The following GNA14 variants were observed in gnomAD, a reference collection of about 807,000 sequenced individuals.
GNA14 encodes the protein guanine nucleotide-binding protein subunit alpha-14.
GNA14 carries 50 observed loss-of-function variants against 42.0 expected under a neutral mutation model. The ratio of observed to expected loss-of-function variants is 1.19; its 90% CI spans 0.95 to 1.51. GNA14 has a LOEUF of 1.51. GNA14 is among the 40% of genes most tolerant of loss of function. The pLI, the probability that GNA14 is intolerant of heterozygous loss-of-function variation, is 0.00. For synonymous variants in GNA14, 173 were observed against 163.1 expected (o/e 1.06, Z -0.46); for missense variants, 473 against 446.2 (o/e 1.06, Z -0.54).
intron 1 of GNA14, among the ~76,000 whole-genome samples, chr9:77,534,331 T>C (rs555526266): frequency 6.6e-6 from 1 of 152,088 alleles, no homozygotes; most frequent in Non-Finnish European, 1.5e-5. Context: ...CAATACAAAA[T>C]AACCAAGGAT....
chr9:77,448,088 T>TAA (rs1301156660), intron 2 of GNA14, among the ~76,000 whole-genome samples: 1 of 152,242 alleles, frequency 6.6e-6, no homozygotes. Flanking sequence ...CTGTTTTTGC[T>TAA]AATAAAGTTC....
rs538303856 is a variant in GNA14 at position 77,461,937 on chromosome 9, T to C, written c.310-27415A>G. Among the ~76,000 whole-genome samples, 78 of 152,286 alleles carry C rather than the reference T, an allele frequency of 5.1e-4. 2 individuals are homozygous for C. In the South Asian group the frequency reaches 0.016, roughly 32 times the overall value. On this transcript the variant is annotated intron_variant, in intron 2 of 6. Coordinates refer to ENST00000341700, the MANE Select transcript of GNA14 (RefSeq NM_004297.4). Reference sequence around the variant, plus strand: ...TTAAGAATGTATGGATTCCTCTCTTTTATATAATTGCTTTCTACACGCTTT... The same window carrying C: ...TTAAGAATGTATGGATTCCTCTCTTCTATATAATTGCTTTCTACACGCTTT...
chr9:77,568,074 G>C (rs891343066), intron 1 of GNA14, among the ~76,000 whole-genome samples: 3 of 152,172 alleles, frequency 2.0e-5, no homozygotes, highest in Non-Finnish European at 2.9e-5. Flanking sequence ...CCCTGAGACA[G>C]AGTAGTCTTT....
At chr9:77,486,076 ATGT>A (rs2131732337) in intron 2 of GNA14, among the ~76,000 whole-genome samples, 1 of 152,302 alleles carries the variant, frequency 6.6e-6, no homozygotes, top group African/African-American at 2.4e-5. Flanking sequence ...AAAGTCCTGG[ATGT>A]TGTCTTCTTC....
At chr9:77,618,512 T>C (rs1301858171) in intron 1 of GNA14, among the ~76,000 whole-genome samples, 3 of 144,670 alleles carry the variant, frequency 2.1e-5, no homozygotes, top group Non-Finnish European at 4.5e-5. Flanking sequence ...AAAATGTGGA[T>C]AGTGAATGAA....
At chr9:77,603,363 G>T (rs1368606917) in intron 1 of GNA14, among the ~76,000 whole-genome samples, 1 of 152,072 alleles carries the variant, frequency 6.6e-6, no homozygotes, top group Admixed American at 6.6e-5. Context: ...TCCAGGGTAA[G>T]CCTGGAACTT....
intron 2 of GNA14, among the ~76,000 whole-genome samples, chr9:77,478,455 C>G (rs1836475103): frequency 6.6e-6 from 1 of 152,128 alleles, no homozygotes; most frequent in African/African-American, 2.4e-5. Context: ...GGTTCCAAGT[C>G]TTTGCTATTG....
chr9:77,589,282 TAAG>T (rs1355152635), intron 1 of GNA14, among the ~76,000 whole-genome samples: 1 of 152,196 alleles, frequency 6.6e-6, no homozygotes, highest in African/African-American at 2.4e-5. Flanking sequence ...CAGAGCCTCT[TAAG>T]GAGGAAGCTA....
At chr9:77,490,869 T>C (rs7046614) in intron 2 of GNA14, among the ~76,000 whole-genome samples, 88,843 of 152,172 alleles carry the variant, frequency 0.58, 26,578 homozygotes, top group East Asian at 0.82. Flanking sequence ...CAAGTGCCGC[T>C]GAAGTGGTAG....
chr9:77,488,673 A>C (rs1313943277), intron 2 of GNA14, among the ~76,000 whole-genome samples: 1 of 151,944 alleles, frequency 6.6e-6, no homozygotes, highest in Non-Finnish European at 1.5e-5. Flanking sequence ...GAATTGAGAA[A>C]AGCTTGGGCT....
chr9:77,458,105 A>G (rs1442222519), intron 2 of GNA14, among the ~76,000 whole-genome samples: 1 of 152,222 alleles, frequency 6.6e-6, no homozygotes, highest in Non-Finnish European at 1.5e-5. Context: ...TGAGGGGAAC[A>G]GGGCACTCCA....
chr9:77,497,818 TTA>T (rs1380231155), intron 2 of GNA14, among the ~76,000 whole-genome samples: 11 of 152,192 alleles, frequency 7.2e-5, no homozygotes, highest in African/African-American at 2.7e-4. Flanking sequence ...CTTTATGACT[TTA>T]TGACATACAA....
chr9:77,423,961 A>G lies in GNA14; in HGVS notation c.*18T>C, dbSNP rs754064856. On this transcript the variant is annotated 3_prime_UTR_variant, in exon 7 of 7. Transcript: ENST00000341700. ...CAAATCACATCTTCTGTTATAGGGG[A>G]GGAGTGGGCAGCAGCTTTTAGACAA... is the stretch of plus-strand genomic sequence containing the variant. 1.0e-5 allele frequency: 16 copies of G among 1,545,268 alleles called. No homozygotes were observed. The East Asian group carries it at 3.0e-4, about 29-fold the overall frequency.
intron 1 of GNA14, among the ~76,000 whole-genome samples, chr9:77,615,480 T>C (rs1823797156): frequency 6.6e-6 from 1 of 152,096 alleles, no homozygotes; most frequent in South Asian, 2.1e-4. Context: ...GACAGCACTT[T>C]CTGCTCTCCC....
chr9:77,557,806 C>T (rs1822812692), intron 1 of GNA14, among the ~76,000 whole-genome samples: 1 of 152,108 alleles, frequency 6.6e-6, no homozygotes, highest in African/African-American at 2.4e-5. Context: ...GACACTTTCT[C>T]AAAAAACGGG....
intron 1 of GNA14, among the ~76,000 whole-genome samples, chr9:77,626,114 T>G (rs1824008545): frequency 6.6e-6 from 1 of 151,766 alleles, no homozygotes; most frequent in African/African-American, 2.4e-5. Flanking sequence ...AAACAGACTT[T>G]AAATCAACGA....
chr9:77,557,955 A>C (rs926744458), intron 1 of GNA14, among the ~76,000 whole-genome samples: 3 of 152,208 alleles, frequency 2.0e-5, no homozygotes, highest in Non-Finnish European at 4.4e-5. Flanking sequence ...GCCTTTCCTC[A>C]GGCCTCATAG....
At chr9:77,575,281 C>T (rs541370994) in intron 1 of GNA14, among the ~76,000 whole-genome samples, 90 of 152,194 alleles carry the variant, frequency 5.9e-4, no homozygotes, top group Non-Finnish European at 1.2e-3. Context: ...TACTCAGAAG[C>T]GGAGGCAGGA....
At chr9:77,586,461 A>G (rs926259952) in intron 1 of GNA14, among the ~76,000 whole-genome samples, 3 of 152,210 alleles carry the variant, frequency 2.0e-5, no homozygotes, top group African/African-American at 7.2e-5. Context: ...CTTCACTCCC[A>G]CTAATAAAGT....
Sources: gnomAD v4.1 joint callset for allele counts (sites outside exome capture counted in the v4.1 genomes callset) on GRCh38, gnomAD v4.1.1 for gene constraint, MANE v1.5 for transcripts, NCBI Gene and HGNC (gene_info 2026-07-23, HGNC 2026-07-21) for gene names.